The following PPWD1 variants were observed in gnomAD, a reference collection of about 807,000 sequenced individuals.
The protein encoded by PPWD1 is peptidylprolyl isomerase domain and WD repeat containing 1.
In PPWD1, 43 loss-of-function variants were observed where a neutral mutation model predicts 68.8. That is an observed-to-expected ratio of 0.62 (90% CI 0.49 to 0.81). The LOEUF (loss-of-function observed/expected upper bound fraction) is 0.81. Among genes scored for constraint, PPWD1 ranks in the 30% least tolerant of loss-of-function variants. The probability of loss-of-function intolerance (pLI) is 0.00; values close to 1 mark genes in which losing one functional copy is unlikely to be tolerated. For missense variants in PPWD1, 672 were observed against 804.8 expected (o/e 0.83, Z 2.00); for synonymous variants, 232 against 258.7 (o/e 0.90, Z 0.99).
chr5:65,569,500 TTAAAGAAGGGTTTTTTTTAAAAAAAAACC>T, intron 2 of PPWD1, 103 bp from the exon 3 acceptor site: 1 of 1,121,316 alleles, frequency 8.9e-7, no homozygotes, highest in Non-Finnish European at 1.2e-6. Context: ...AGTGGTCTGC[TTAAAGAAGGGTTTTTTTTAAAAAAAAACC>T]TATTATGCAC....
intron 10 of PPWD1, 192 bp from the exon 11 acceptor site, chr5:65,587,061 T>C (rs1561735328): frequency 3.9e-6 from 1 of 257,714 alleles, no homozygotes; most frequent in East Asian, 1.8e-4. Context: ...ACTATGCTTC[T>C]ATTTTTTTTA....
chr5:65,567,256 C>T (rs192566316), intron 1 of PPWD1, among the ~76,000 whole-genome samples: 8 of 150,664 alleles, frequency 5.3e-5, no homozygotes, highest in African/African-American at 2.0e-4. Context: ...TTTCTTAAGT[C>T]CTGGGGACAG....
chr5:65,569,412 T>C (rs1027662858), intron 2 of PPWD1: 2 of 363,490 alleles, frequency 5.5e-6, no homozygotes, highest in African/African-American at 2.2e-5. Context: ...ATCCTAGCTC[T>C]TGAGGTTAAA....
chr5:65,572,899 G>A (rs1397195939), intron 5 of PPWD1, among the ~76,000 whole-genome samples: 1 of 152,112 alleles, frequency 6.6e-6, no homozygotes, highest in Non-Finnish European at 1.5e-5. Context: ...CCTACTACCT[G>A]TATTTATTCT....
chr5:65,563,456 G>C lies in PPWD1; in HGVS notation c.146G>C (p.Arg49Pro). ...GAGAACGATGAGGAGAACGAAGAGCGCTGGGTTGGACCTTTACCTGTGGAG... is the reference window on the plus strand; with the variant it reads ...GAGAACGATGAGGAGAACGAAGAGCCCTGGGTTGGACCTTTACCTGTGGAG... ...SQENDEENEERWVGPLPVEAT... is the reference protein window; with the variant it reads ...SQENDEENEEPWVGPLPVEAT... The change falls in exon 1 of 11, where the codon CGC (arginine) becomes CCC (proline). Residue 49 changes from arginine to proline, a missense_variant. Physicochemically the swap from Arg to Pro is moderately radical, Grantham distance 103. Transcript: ENST00000261308. The C allele has an allele frequency of 6.2e-7, 1 of 1,614,066 alleles. No individual in the cohort carries two copies. The highest frequency in any genetic ancestry group is 8.5e-7 in the Non-Finnish European group (1 of 1,179,986).
At position 65,587,481 on chromosome 5, in the gene PPWD1, A is replaced by T. The variant is rs1267925095; in HGVS notation, c.*85A>T. On this transcript the variant is annotated 3_prime_UTR_variant, in exon 11 of 11. Transcript: ENST00000261308. ...CATTAGGAAGCTTAGGACTTGCTGA[A>T]TATACAGATCATGTTTCAAAGATAC... 1 of 1,040,506 alleles carries T rather than the reference A, an allele frequency of 9.6e-7. No homozygotes were observed. Among genetic ancestry groups the T allele is most frequent in the Non-Finnish European group, 1.3e-6 (1 of 757,488 alleles). 64.5% of individuals were successfully genotyped at this position (1,040,506 alleles called of 1,614,324 possible). A position where few individuals can be genotyped will look rare whatever the true frequency, so the allele number is the denominator to read the frequency against.
chr5:65,586,780 A>G (rs1184901210), intron 10 of PPWD1, among the ~76,000 whole-genome samples: 1 of 152,140 alleles, frequency 6.6e-6, no homozygotes, highest in Non-Finnish European at 1.5e-5. Flanking sequence ...CCAGTTTTCA[A>G]TAATAGATGA....
chr5:65,567,631 CTTT>C lies in PPWD1; in HGVS notation c.299+20_299+22del. ...TATGCACCAAGTAAGTCTATCACAT[CTTT>C]TTTACTTTGTTCTGAGTTTATTTAA... On this transcript the variant is annotated intron_variant, in intron 2 of 10. Transcript: ENST00000261308. 6.5e-7 allele frequency: 1 copy of C among 1,537,138 alleles called. No individual in the cohort carries two copies. The highest frequency in any genetic ancestry group is 8.8e-7 in the Non-Finnish European group (1 of 1,142,566).
At chr5:65,577,704 A>G (rs1394064077) in intron 6 of PPWD1, among the ~76,000 whole-genome samples, 1 of 152,224 alleles carries the variant, frequency 6.6e-6, no homozygotes, top group African/African-American at 2.4e-5. Context: ...TGTATAAACA[A>G]ATGATTGATT....
At chr5:65,578,751 C>CATATATGTGTATATATATATATACAT (rs1753436211) in intron 6 of PPWD1, among the ~76,000 whole-genome samples, 10 of 138,456 alleles carry the variant, frequency 7.2e-5, no homozygotes, top group African/African-American at 2.7e-4. Context: ...TATATACACA[C>CATATATGTGTATATATATATATACAT]ATATATGTGT....
chr5:65,578,773 CATATATATGTGT>C lies in PPWD1; in HGVS notation c.1161-642_1161-631del, dbSNP rs1561729377. Among the ~76,000 whole-genome samples, 269 of 63,664 alleles carry C rather than the reference CATATATATGTGT, an allele frequency of 4.2e-3. 3 individuals are homozygous for C. The highest frequency in any genetic ancestry group is 0.019 in the African/African-American group (265 of 14,086). 41.8% of individuals were successfully genotyped at this position (63,664 alleles called of 152,430 possible). A position where few individuals can be genotyped will look rare whatever the true frequency, so the allele number is the denominator to read the frequency against. ...ACACATATATGTGTATATATATATA[CATATATATGTGT>C]ATATATATATACATATATATGTGTA... On this transcript the variant is annotated intron_variant, in intron 6 of 10. Coordinates refer to ENST00000261308, the MANE Select transcript of PPWD1 (RefSeq NM_015342.4).
Position 65,572,232 on chromosome 5 carries a change from AAT to A in PPWD1, c.916_917del (p.Ile306PhefsTer13). 3.1e-6 allele frequency: 5 copies of A among 1,612,328 alleles called. No individual in the cohort carries two copies. The highest frequency in any genetic ancestry group is 4.2e-6 in the Non-Finnish European group (5 of 1,178,484). On this transcript the variant is annotated frameshift_variant, in exon 5 of 11. Coordinates refer to ENST00000261308, the MANE Select transcript of PPWD1 (RefSeq NM_015342.4). LOFTEE classifies it high-confidence loss of function. ...ATIGSDRKVR[I>X]FRFVTGKLMR... ...CTATTGGTTCTGATAGAAAAGTTAG[AAT>A]TTTCAGATTTGTAACTGGAAAACTC...
chr5:65,575,394 C>T (rs192430241), intron 5 of PPWD1, among the ~76,000 whole-genome samples: 1 of 152,322 alleles, frequency 6.6e-6, no homozygotes, highest in East Asian at 1.9e-4. Context: ...ACAAGAAAAC[C>T]TAACAACTAG....
chr5:65,587,289 G>A lies in PPWD1; in HGVS notation c.1834G>A (p.Val612Met), dbSNP rs149787698. ...TAATAAGCATACAGTATTTGGACGA[G>A]TGACTAAAGGAATGGAAGTTGTACA... ...LDNKHTVFGRVTKGMEVVQRI... is the reference protein window; with the variant it reads ...LDNKHTVFGRMTKGMEVVQRI... Residue 612 changes from valine (V) to methionine (M), a missense_variant, in exon 11 of 11, where the codon GTG (valine) becomes ATG (methionine). Transcript: ENST00000261308. 2.4e-5 allele frequency: 38 copies of A among 1,611,912 alleles called. No homozygotes were observed. The African/African-American group carries it at 4.9e-4, about 21-fold the overall frequency.
intron 9 of PPWD1, 147 bp downstream of exon 9, chr5:65,585,242 T>C (rs1330829233): frequency 6.8e-6 from 5 of 738,402 alleles, no homozygotes; most frequent in Non-Finnish European, 4.4e-6. Flanking sequence ...AAAGGAGGAG[T>C]GGATGGTCAT....
chr5:65,574,620 C>T (rs1251073738), intron 5 of PPWD1, among the ~76,000 whole-genome samples: 7 of 151,230 alleles, frequency 4.6e-5, no homozygotes, highest in Admixed American at 2.0e-4. Flanking sequence ...CCCGCCACTG[C>T]GCCCGGCTAA....
At chr5:65,569,787 G>A in intron 3 of PPWD1, 55 bp downstream of exon 3, 1 of 1,553,830 alleles carries the variant, frequency 6.4e-7, no homozygotes, top group South Asian at 1.2e-5. Context: ...ACTAATTAAA[G>A]TTTAAATTTT....
chr5:65,584,273 G>A (rs1753722592), intron 8 of PPWD1, among the ~76,000 whole-genome samples: 1 of 152,054 alleles, frequency 6.6e-6, no homozygotes, highest in African/African-American at 2.4e-5. Flanking sequence ...ATGTACTTGG[G>A]TACAAGATTC....
Sources: allele counts gnomAD v4.1 joint callset (sites outside exome capture counted in the v4.1 genomes callset), GRCh38; gene constraint gnomAD v4.1.1; transcripts MANE v1.5; gene names NCBI Gene and HGNC (gene_info 2026-07-23, HGNC 2026-07-21).